The following BTBD9 variants were observed in gnomAD, a reference collection of about 807,000 sequenced individuals.
BTBD9 encodes the protein BTB/POZ domain-containing protein 9.
Under a neutral mutation model 64.3 loss-of-function variants are expected in BTBD9, and 49 were observed. The ratio of observed to expected loss-of-function variants is 0.76; its 90% CI spans 0.61 to 0.97. BTBD9 has a LOEUF of 0.97. BTBD9 is among the 50% of genes least tolerant of loss of function. The probability of loss-of-function intolerance (pLI) is 0.00; values close to 1 mark genes in which losing one functional copy is unlikely to be tolerated. For synonymous variants in BTBD9, 260 were observed against 274.7 expected (o/e 0.95, Z 0.53); for missense variants, 598 against 762.1 (o/e 0.78, Z 2.53).
intron 6 of BTBD9, among the ~76,000 whole-genome samples, chr6:38,355,625 G>T (rs1207926706): frequency 6.6e-6 from 1 of 152,192 alleles, no homozygotes; most frequent in Non-Finnish European, 1.5e-5. Context: ...TTTTTAATAT[G>T]CAAGAAGATT....
chr6:38,595,806 T>G (rs888843738), intron 2 of BTBD9: 1 of 985,220 alleles, frequency 1.0e-6, no homozygotes, highest in African/African-American at 1.7e-5. Context: ...AAAGTACCCC[T>G]GAAGGTTTCC....
chr6:38,528,352 C>T (rs189141055), intron 6 of BTBD9, among the ~76,000 whole-genome samples: 6 of 152,136 alleles, frequency 3.9e-5, no homozygotes, highest in Admixed American at 1.3e-4. Flanking sequence ...GTCTAGACCA[C>T]AAGGAATTAA....
In BTBD9 at chr6:38,431,151, A is replaced by AC. The variant is rs1239330873; in HGVS notation, c.1155-86059dup. Among the ~76,000 whole-genome samples the AC allele has an allele frequency of 2.6e-5, 4 of 151,796 alleles. No individual in the cohort carries two copies. In the East Asian group the frequency reaches 7.8e-4, roughly 29 times the overall value. ...CTCACCCAGTCCCATGGTTTTCAATACCCATCTGTATGCTAATAACTCTCA... is the reference window on the plus strand; with the variant it reads ...CTCACCCAGTCCCATGGTTTTCAATACCCCATCTGTATGCTAATAACTCTCA... On this transcript the variant is annotated intron_variant, in intron 6 of 10. Transcript: ENST00000481247.
chr6:38,317,179 T>C (rs1445208396), intron 7 of BTBD9, among the ~76,000 whole-genome samples: 1 of 152,006 alleles, frequency 6.6e-6, no homozygotes, highest in Non-Finnish European at 1.5e-5. Flanking sequence ...GTATTTTTAG[T>C]AGAGACAGGG....
chr6:38,411,461 A>G (rs1231376087), intron 6 of BTBD9, among the ~76,000 whole-genome samples: 1 of 152,192 alleles, frequency 6.6e-6, no homozygotes, highest in Non-Finnish European at 1.5e-5. Context: ...GGGCTTTTTA[A>G]TAAGTATTGT....
At chr6:38,324,137 T>A (rs4711534) in intron 7 of BTBD9, among the ~76,000 whole-genome samples, 4,682 of 152,150 alleles carry the variant, frequency 0.031, 132 homozygotes, top group East Asian at 0.088. Context: ...TAACACTTAG[T>A]TCAAAAAACG....
At chr6:38,516,564 A>C (rs1773037399) in intron 6 of BTBD9, among the ~76,000 whole-genome samples, 1 of 152,204 alleles carries the variant, frequency 6.6e-6, no homozygotes, top group African/African-American at 2.4e-5. Context: ...ACGGGTCAAG[A>C]GCATTCAGTA....
rs1581989693 is a variant in BTBD9, at chr6:38,173,290, A to G, written c.*1695T>C. On this transcript the variant is annotated 3_prime_UTR_variant, in exon 11 of 11. Transcript: ENST00000481247. The stretch of plus-strand genomic sequence containing the variant: ...CTTACAGGAGCCTCCTCCCATTATG[A>G]AATGCCTGGCATCCCAGGAGTGTTC... 1 of 152,318 alleles carries G rather than the reference A, an allele frequency of 6.6e-6. No individual in the cohort carries two copies. The highest frequency in any genetic ancestry group is 1.9e-4 in the East Asian group (1 of 5,170). 9.4% of individuals were successfully genotyped at this position (152,318 alleles called of 1,614,324 possible).
chr6:38,190,049 C>G lies in BTBD9; in HGVS notation c.1641+2470G>C, dbSNP rs546516656. 9.3e-5 allele frequency among the ~76,000 whole-genome samples: 14 copies of G among 151,162 alleles called. No homozygotes were observed. In the East Asian group the frequency reaches 2.7e-3, roughly 29 times the overall value. On this transcript the variant is annotated intron_variant, in intron 10 of 10. Transcript: ENST00000481247. ...TTGGTCTTGAACTCCTGGGCTCAAGCGAACCTGTGGCCTCAGCCTCCCAAA... is the reference window on the plus strand; with the variant it reads ...TTGGTCTTGAACTCCTGGGCTCAAGGGAACCTGTGGCCTCAGCCTCCCAAA...
chr6:38,364,156 G>A (rs948296662), intron 6 of BTBD9, among the ~76,000 whole-genome samples: 2 of 152,084 alleles, frequency 1.3e-5, no homozygotes, highest in Non-Finnish European at 2.9e-5. Flanking sequence ...ACATTCATTG[G>A]TGCCAAGGGA....
rs1761712678 is a variant in BTBD9 at position 38,184,202 on chromosome 6, G to A, written c.1641+8317C>T. On this transcript the variant is annotated intron_variant, in intron 10 of 10. Transcript: ENST00000481247. The surrounding 1 kb of genome is among the most constrained non-coding windows in gnomAD (Gnocchi z 4.4). ...GGTTCAGGATGAACAAGGCTGCGGTGACAGCATCCTCACTCTTGCCTCCTA... is the reference window on the plus strand; with the variant it reads ...GGTTCAGGATGAACAAGGCTGCGGTAACAGCATCCTCACTCTTGCCTCCTA... Among the ~76,000 whole-genome samples the A allele has an allele frequency of 6.6e-6, 1 of 152,168 alleles. No homozygotes were observed. Among genetic ancestry groups the A allele is most frequent in the Admixed American group, 6.5e-5 (1 of 15,276 alleles).
intron 1 of BTBD9, among the ~76,000 whole-genome samples, chr6:38,613,866 T>C (rs1437780499): frequency 1.3e-5 from 2 of 152,134 alleles, no homozygotes; most frequent in East Asian, 1.9e-4. Context: ...TTAATCTCAT[T>C]TGTAAATGAG....
chr6:38,284,366 T>C (rs1761638092), intron 8 of BTBD9, among the ~76,000 whole-genome samples: 1 of 152,196 alleles, frequency 6.6e-6, no homozygotes, highest in East Asian at 1.9e-4. Flanking sequence ...CACTGTTCTC[T>C]CTTGTCTTAA....
At chr6:38,638,885 T>TA (rs1217708936) in intron 1 of BTBD9, among the ~76,000 whole-genome samples, 1 of 152,176 alleles carries the variant, frequency 6.6e-6, no homozygotes, top group African/African-American at 2.4e-5. Flanking sequence ...CTACCCATGA[T>TA]AGAGTCCAGA....
At chr6:38,414,729 T>C (rs1368296373) in intron 6 of BTBD9, among the ~76,000 whole-genome samples, 1 of 152,202 alleles carries the variant, frequency 6.6e-6, no homozygotes, top group Non-Finnish European at 1.5e-5. Context: ...TTCCTTTTTT[T>C]CTTCCTGCCT....
chr6:38,332,348 G>A (rs1763708220), intron 7 of BTBD9, among the ~76,000 whole-genome samples: 1 of 152,116 alleles, frequency 6.6e-6, no homozygotes, highest in African/African-American at 2.4e-5. Context: ...TCTAGCATGA[G>A]GAAAAAATTT....
intron 1 of BTBD9, among the ~76,000 whole-genome samples, chr6:38,600,724 G>A (rs923248588): frequency 2.0e-5 from 3 of 152,018 alleles, no homozygotes. Context: ...AATGACTCTT[G>A]ATGAACAACG....
At chr6:38,520,950 C>CAAAAAGAA (rs1456597772) in intron 6 of BTBD9, among the ~76,000 whole-genome samples, 1 of 151,164 alleles carries the variant, frequency 6.6e-6, no homozygotes, top group Non-Finnish European at 1.5e-5. Flanking sequence ...TTGTCTCAGA[C>CAAAAAGAA]AAAAAGAAAA....
intron 8 of BTBD9, among the ~76,000 whole-genome samples, chr6:38,279,292 C>T (rs952477681): frequency 1.3e-5 from 2 of 152,056 alleles, no homozygotes; most frequent in Admixed American, 1.3e-4. Flanking sequence ...GAGAGATACA[C>T]TGACATCAGG....
Sources: allele counts gnomAD v4.1 joint callset (sites outside exome capture counted in the v4.1 genomes callset), GRCh38; gene constraint gnomAD v4.1.1; non-coding constraint Gnocchi (gnomAD v3.1); transcripts MANE v1.5; gene names NCBI Gene and HGNC (gene_info 2026-07-23, HGNC 2026-07-21).